The following ANKS6 variants were observed in gnomAD, a reference collection of about 807,000 sequenced individuals.
ANKS6 encodes the protein ankyrin repeat and SAM domain-containing protein 6.
A neutral mutation model predicts 77.9 loss-of-function variants in ANKS6; 47 were observed. The ratio of observed to expected loss-of-function variants is 0.60; its 90% confidence interval spans 0.48 to 0.77. ANKS6 has a LOEUF of 0.77. Among genes scored for constraint, ANKS6 ranks in the 30% least tolerant of loss-of-function variants. The pLI is 0.00. For synonymous variants in ANKS6, 488 were observed against 501.7 expected (o/e 0.97, Z 0.37); for missense variants, 1,150 against 1,159.1 (o/e 0.99, Z 0.11).
At chr9:98,779,041 G>A (rs1399009394) in intron 6 of ANKS6, among the ~76,000 whole-genome samples, 2 of 152,204 alleles carry the variant, frequency 1.3e-5, no homozygotes, top group African/African-American at 4.8e-5. Flanking sequence ...CAGGAATGAA[G>A]GGAGCTATGA....
chr9:98,776,440 G>A lies in ANKS6; in HGVS notation c.1617+965C>T, dbSNP rs552559242. Among the ~76,000 whole-genome samples the A allele has an allele frequency of 1.0e-4, 15 of 145,372 alleles. No individual in the cohort carries two copies. The South Asian group carries it at 2.8e-3, about 27-fold the overall frequency. On this transcript the variant is annotated intron_variant, in intron 8 of 14. Coordinates refer to ENST00000353234, the MANE Select transcript of ANKS6 (RefSeq NM_173551.5). Reference sequence around the variant, plus strand: ...TTTAAAGACAGAATCTTGCTCTGTTGCCCAGGCTGGAGAGCAATGGCACGA... The same window carrying A: ...TTTAAAGACAGAATCTTGCTCTGTTACCCAGGCTGGAGAGCAATGGCACGA...
intron 12 of ANKS6, among the ~76,000 whole-genome samples, chr9:98,752,636 A>G (rs963946135): frequency 1.3e-5 from 2 of 152,230 alleles, no homozygotes; most frequent in Non-Finnish European, 2.9e-5. Context: ...CCAATGAGGT[A>G]GATCCTATTA....
Position 98,790,176 on chromosome 9 carries a change from C to A in ANKS6, c.790G>T (p.Val264Phe). ...TCCCTGTGCTTGCAGTCCAGTGCAA[C>A]CTCGAAGGCGGTCTTCTCCAGCACG... ...LSVLEKTAFE[V>F]ALDCKHRDLV... Residue 264 changes from valine to phenylalanine, a missense_variant, in exon 2 of 15, where the codon GTT becomes TTT. Physicochemically the swap from Val to Phe is conservative, Grantham distance 50. Coordinates refer to ENST00000353234, the MANE Select transcript of ANKS6 (RefSeq NM_173551.5). 6.2e-7 allele frequency: 1 copy of A among 1,600,574 alleles called. No homozygotes were observed. The highest frequency in any genetic ancestry group is 1.3e-5 in the African/African-American group (1 of 74,814).
chr9:98,776,286 A>G (rs1833914898), intron 8 of ANKS6, among the ~76,000 whole-genome samples: 1 of 152,114 alleles, frequency 6.6e-6, no homozygotes, highest in Non-Finnish European at 1.5e-5. Flanking sequence ...TACTTTTCAC[A>G]TCTTAGAAAT....
At chr9:98,756,300 A>C (rs560713143) in intron 12 of ANKS6, 120 bp downstream of exon 12, 1 of 1,116,166 alleles carries the variant, frequency 9.0e-7, no homozygotes, top group African/African-American at 1.6e-5. Flanking sequence ...TGTTTGTCGT[A>C]AATCTTCTTA....
intron 14 of ANKS6, among the ~76,000 whole-genome samples, chr9:98,744,989 C>CT (rs1288422290): frequency 6.6e-6 from 1 of 152,082 alleles, no homozygotes; most frequent in Admixed American, 6.5e-5. Flanking sequence ...TTTTGTGGTT[C>CT]TTTTTTGTTT....
chr9:98,789,963 C>T, intron 2 of ANKS6, 141 bp downstream of exon 2: 1 of 1,273,902 alleles, frequency 7.8e-7, no homozygotes, highest in Non-Finnish European at 1.1e-6. Flanking sequence ...GATACTTAAG[C>T]ACACCACTTC....
intron 2 of ANKS6, among the ~76,000 whole-genome samples, chr9:98,786,942 G>A (rs765651423): frequency 4.7e-4 from 72 of 152,010 alleles, no homozygotes; most frequent in Non-Finnish European, 9.0e-4. Flanking sequence ...AGTTTTTTTC[G>A]TCTATATCCA....
Position 98,756,508 on chromosome 9 carries a change from G to A in ANKS6, c.2238C>T (p.His746=). The A allele has an allele frequency of 6.2e-7, 1 of 1,611,512 alleles. No individual in the cohort carries two copies. The highest frequency in any genetic ancestry group is 8.5e-7 in the Non-Finnish European group (1 of 1,178,936). Residue 746 remains histidine (H), a synonymous_variant, in exon 12 of 15, where the codon CAC becomes CAT. Coordinates refer to ENST00000353234, the MANE Select transcript of ANKS6 (RefSeq NM_173551.5). ...TLTPSPSPKG[H]TAESSVSSSS... ...AGGAAGACACTGAGGACTCTGCAGT[G>A]TGCCCTTTGGGTGAGGGGGAGGGCG...
chr9:98,765,142 AAGAC>A (rs1282948723), intron 11 of ANKS6, among the ~76,000 whole-genome samples: 2 of 152,306 alleles, frequency 1.3e-5, no homozygotes, highest in South Asian at 2.1e-4. Context: ...TCTTTCCATG[AAGAC>A]AGACAATCCC....
Position 98,745,622 on chromosome 9 carries a change from T to C in ANKS6, c.2448A>G (p.Gly816=). Residue 816 remains glycine, a synonymous_variant, in exon 14 of 15, where the codon GGA becomes GGG. Coordinates refer to ENST00000353234, the MANE Select transcript of ANKS6 (RefSeq NM_173551.5). ...TLTDGDLKEL[G]IKTDGSRQQI... ...GCTGCCTGGACCCATCTGTCTTAAT[T>C]CCCAGCTCCTTCAAGTCACCGTCAG... 1 of 1,614,136 alleles carries C rather than the reference T, an allele frequency of 6.2e-7. No individual in the cohort carries two copies. The highest frequency in any genetic ancestry group is 8.5e-7 in the Non-Finnish European group (1 of 1,180,024).
intron 11 of ANKS6, among the ~76,000 whole-genome samples, chr9:98,766,071 T>G (rs1833265623): frequency 6.6e-6 from 1 of 152,134 alleles, no homozygotes; most frequent in Admixed American, 6.5e-5. Flanking sequence ...CTCATTCAGG[T>G]ATGCTGGGGT....
In ANKS6 at chr9:98,736,335, T is replaced by A; in HGVS notation, c.*184A>T. The A allele has an allele frequency of 1.4e-6, 2 of 1,420,476 alleles. No individual in the cohort carries two copies. Among genetic ancestry groups the A allele is most frequent in the Non-Finnish European group, 1.8e-6 (2 of 1,091,498 alleles). The allele number at this position is 1,420,476 out of a possible 1,614,324, so 88.0% of individuals were successfully genotyped here. A position where few individuals can be genotyped will look rare whatever the true frequency, so the allele number is the denominator to read the frequency against. On this transcript the variant is annotated 3_prime_UTR_variant, in exon 15 of 15. Coordinates refer to ENST00000353234, the MANE Select transcript of ANKS6 (RefSeq NM_173551.5). The stretch of plus-strand genomic sequence containing the variant: ...TGTTACATGGGAATCTGTCTCTGTG[T>A]GTTGAAGTTTGTTGCAGCAAGAAGT...
At chr9:98,737,042 C>CT (rs1210914221) in intron 14 of ANKS6, among the ~76,000 whole-genome samples, 7 of 152,186 alleles carry the variant, frequency 4.6e-5, no homozygotes, top group African/African-American at 1.4e-4. Flanking sequence ...TTTAAACTGC[C>CT]TTTGCTTCCC....
intron 6 of ANKS6, 136 bp downstream of exon 6, chr9:98,780,053 C>T: frequency 8.9e-6 from 11 of 1,237,368 alleles, no homozygotes; most frequent in South Asian, 2.9e-5. Flanking sequence ...TTTCCTATTG[C>T]TCAATGCCAG....
chr9:98,748,008 T>C (rs1832233054), intron 13 of ANKS6, among the ~76,000 whole-genome samples: 1 of 152,166 alleles, frequency 6.6e-6, no homozygotes, highest in South Asian at 2.1e-4. Flanking sequence ...CCGTTCCCCC[T>C]CTTTCTCCAA....
chr9:98,757,883 G>A (rs757075201), intron 11 of ANKS6, among the ~76,000 whole-genome samples: 2 of 151,986 alleles, frequency 1.3e-5, no homozygotes, highest in African/African-American at 2.4e-5. Flanking sequence ...AGCCGAGATC[G>A]CACCACTGCA....
rs148071928 is a variant in ANKS6, at chr9:98,778,228, T to C, written c.1565A>G (p.Asn522Ser). The change falls in exon 7 of 15, where the codon AAT becomes AGT. Residue 522 changes from asparagine (N) to serine (S), a missense_variant and splice_region_variant. Transcript: ENST00000353234. Reference sequence around the variant, plus strand: ...CTGCACATGCAGACTTTTCTCACCATTGTCTTTGGTCACAGGGGCCGCATC... The same window carrying C: ...CTGCACATGCAGACTTTTCTCACCACTGTCTTTGGTCACAGGGGCCGCATC... Reference protein sequence around the residue: ...LPDAAPVTKDNGPGSTRGEKE... With the variant: ...LPDAAPVTKDSGPGSTRGEKE... 4,158 of 1,614,068 alleles carry C rather than the reference T, an allele frequency of 2.6e-3. 7 individuals are homozygous for C. The highest frequency in any genetic ancestry group is 3.0e-3 in the Non-Finnish European group (3,568 of 1,179,972).
chr9:98,757,267 T>C (rs548800228), intron 11 of ANKS6, among the ~76,000 whole-genome samples: 6 of 152,264 alleles, frequency 3.9e-5, no homozygotes, highest in East Asian at 1.9e-4. Flanking sequence ...TTTCCCTGGC[T>C]GTTTTGCTTA....
Sources: gnomAD v4.1 joint callset for allele counts (sites outside exome capture counted in the v4.1 genomes callset) on GRCh38, gnomAD v4.1.1 for gene constraint, MANE v1.5 for transcripts, NCBI Gene and HGNC (gene_info 2026-07-23, HGNC 2026-07-21) for gene names.